SHROOM4: variants seen among roughly 807,000 people sequenced by gnomAD.
SHROOM4 encodes the protein protein Shroom4.
SHROOM4 carries 17 observed loss-of-function variants against 80.3 expected under a neutral mutation model. That is an observed-to-expected ratio of 0.21 (90% CI 0.14 to 0.32). SHROOM4 has a LOEUF of 0.32. Among genes scored for constraint, SHROOM4 ranks in the 10% least tolerant of loss-of-function variants. The pLI is 1.00. For synonymous variants in SHROOM4, 400 were observed against 437.5 expected, an observed-to-expected ratio of 0.91 and a Z score of 1.07; for missense variants, 993 against 1,140.3, an observed-to-expected ratio of 0.87 and a Z score of 1.86.
At chrX:50,784,288 T>G (rs980789268) in intron 1 of SHROOM4, among the ~76,000 whole-genome samples, 1 of 111,645 alleles carries the variant, frequency 9.0e-6, no homozygotes, top group African/African-American at 3.3e-5. Context: ...TAGGCACTAC[T>G]ACACCCAGCT....
intron 1 of SHROOM4, among the ~76,000 whole-genome samples, chrX:50,733,978 TA>T (rs1467912144): frequency 8.9e-6 from 1 of 111,910 alleles, no homozygotes; most frequent in Non-Finnish European, 1.9e-5. Context: ...CTGCTTGCAA[TA>T]AACAATCTGA....
intron 1 of SHROOM4, 76 bp downstream of exon 1, chrX:50,813,826 C>G (rs1295403543): frequency 6.2e-6 from 5 of 809,786 alleles, no homozygotes; most frequent in African/African-American, 2.0e-5. Context: ...CTGAGGGCCC[C>G]GTCCAGCGGC....
Position 50,602,793 on chromosome X carries a change from G to C in SHROOM4, c.3782C>G (p.Ser1261Trp). 8.3e-7 allele frequency: 1 copy of C among 1,210,200 alleles called. No individual in the cohort carries two copies. The highest frequency in any genetic ancestry group is 1.1e-6 in the Non-Finnish European group (1 of 894,621). ...ESAKQEFQHFSPPSGAPGIPT... is the reference protein window; with the variant it reads ...ESAKQEFQHFWPPSGAPGIPT... Reference sequence around the variant, plus strand: ...GATTCCTGGGGCCCCTGAAGGAGGCGAAAAGTGCTGAAACTCTTGTCTGTG... The same window carrying C: ...GATTCCTGGGGCCCCTGAAGGAGGCCAAAAGTGCTGAAACTCTTGTCTGTG... Residue 1261 changes from serine to tryptophan, a missense_variant, in exon 7 of 9, where the codon TCG becomes TGG. By Grantham distance (177) the Ser-to-Trp change is radical. Transcript: ENST00000376020.
At position 50,634,520 on chromosome X, in the gene SHROOM4, G is replaced by T; in HGVS notation, c.1553C>A (p.Ala518Glu). 8.3e-7 allele frequency: 1 copy of T among 1,211,794 alleles called. No homozygotes were observed. Among genetic ancestry groups the T allele is most frequent in the Non-Finnish European group, 1.1e-6 (1 of 895,556 alleles). Residue 518 changes from alanine (A) to glutamate (E), a missense_variant, in exon 4 of 9, where the codon GCA (alanine) becomes GAA (glutamate). Coordinates refer to ENST00000376020, the MANE Select transcript of SHROOM4 (RefSeq NM_020717.5). ...GFLDPNRTSR[A>E]ASELANQQPS... ...TTGCTGGTTGGCCAATTCACTGGCT[G>T]CTCTGCTTGTTCTGTTTGGGTCCAG...
chrX:50,643,554 C>T (rs1176078750), intron 2 of SHROOM4: 2 of 111,865 alleles, frequency 1.8e-5, no homozygotes, highest in African/African-American at 6.5e-5. Flanking sequence ...AAGGTATGAC[C>T]ATCAGCCTGG....
intron 1 of SHROOM4, among the ~76,000 whole-genome samples, chrX:50,702,669 G>T (rs1339035739): frequency 8.9e-6 from 1 of 111,761 alleles, no homozygotes; most frequent in Non-Finnish European, 1.9e-5. Flanking sequence ...TTTTTGGGGG[G>T]TGCTAGAAAT....
At chrX:50,737,207 A>G (rs1934516103) in intron 1 of SHROOM4, among the ~76,000 whole-genome samples, 1 of 111,317 alleles carries the variant, frequency 9.0e-6, no homozygotes. Context: ...CACAATGAGA[A>G]TAACTTGAAA....
intron 1 of SHROOM4, among the ~76,000 whole-genome samples, chrX:50,735,414 A>G (rs782621470): frequency 8.9e-6 from 1 of 112,124 alleles, no homozygotes; most frequent in Non-Finnish European, 1.9e-5. Context: ...GATTTGGTAC[A>G]GGATTCTTAG....
chrX:50,722,942 C>T (rs1469218157), intron 1 of SHROOM4, among the ~76,000 whole-genome samples: 3 of 110,142 alleles, frequency 2.7e-5, no homozygotes, highest in African/African-American at 9.9e-5. Flanking sequence ...AATAAAATTA[C>T]CATACCATAA....
intron 2 of SHROOM4, among the ~76,000 whole-genome samples, chrX:50,693,756 G>A (rs943761381): frequency 2.7e-5 from 3 of 109,634 alleles, no homozygotes; most frequent in East Asian, 5.7e-4. Flanking sequence ...TTCTCTACTA[G>A]CTATTTTGAA....
At chrX:50,659,467 A>G (rs1224460541) in intron 2 of SHROOM4, among the ~76,000 whole-genome samples, 1 of 112,014 alleles carries the variant, frequency 8.9e-6, no homozygotes, top group Non-Finnish European at 1.9e-5. Flanking sequence ...ACTCTAGTTT[A>G]TGATTCAGCC....
intron 2 of SHROOM4, among the ~76,000 whole-genome samples, chrX:50,650,093 A>G (rs1358171778): frequency 1.8e-5 from 2 of 112,215 alleles, no homozygotes; most frequent in African/African-American, 6.5e-5. Context: ...TGATCCTGAA[A>G]AAGGCTCACA....
At chrX:50,651,737 CTT>C (rs1720416616) in intron 2 of SHROOM4, among the ~76,000 whole-genome samples, 2 of 109,820 alleles carry the variant, frequency 1.8e-5, no homozygotes, top group East Asian at 2.9e-4. Context: ...CCCCTAGCCC[CTT>C]AACCCCCGAC....
At chrX:50,723,420 G>A (rs1005018013) in intron 1 of SHROOM4, among the ~76,000 whole-genome samples, 1 of 102,459 alleles carries the variant, frequency 9.8e-6, no homozygotes, top group Non-Finnish European at 2.0e-5. Context: ...GAGAGAGAGA[G>A]AAACAGAGGG....
At chrX:50,685,977 T>C (rs1933060960) in intron 2 of SHROOM4, among the ~76,000 whole-genome samples, 1 of 111,840 alleles carries the variant, frequency 8.9e-6, no homozygotes, top group Admixed American at 9.5e-5. Flanking sequence ...ATTAGGGTAC[T>C]ATGTGATTGA....
At chrX:50,605,728 C>G (rs1557248385) in intron 6 of SHROOM4, among the ~76,000 whole-genome samples, 1 of 112,317 alleles carries the variant, frequency 8.9e-6, no homozygotes, top group Non-Finnish European at 1.9e-5. Flanking sequence ...ACAGCTCTGG[C>G]TTTGAATGTT....
intron 1 of SHROOM4, among the ~76,000 whole-genome samples, chrX:50,700,855 G>A (rs1557263494): frequency 1.8e-5 from 2 of 112,118 alleles, no homozygotes; most frequent in African/African-American, 6.5e-5. Flanking sequence ...CAATTAAAAA[G>A]ATGTAAGTAG....
chrX:50,738,130 C>T (rs1309941043), intron 1 of SHROOM4, among the ~76,000 whole-genome samples: 3 of 110,868 alleles, frequency 2.7e-5, no homozygotes, highest in Non-Finnish European at 3.8e-5. Context: ...ATTCAACAGC[C>T]CTTCATGCTA....
chrX:50,684,297 T>C (rs965641354), intron 2 of SHROOM4, among the ~76,000 whole-genome samples: 1 of 108,187 alleles, frequency 9.2e-6, no homozygotes, highest in Non-Finnish European at 1.9e-5. Context: ...GAGGCAGAGG[T>C]TGGAGTGCTA....
Sources: gnomAD v4.1 joint callset for allele counts (sites outside exome capture counted in the v4.1 genomes callset) on GRCh38, gnomAD v4.1.1 for gene constraint, MANE v1.5 for transcripts, NCBI Gene and HGNC (gene_info 2026-07-23, HGNC 2026-07-21) for gene names.